Variants in CHRNA5 observed in about 807,000 individuals in gnomAD.
CHRNA5 encodes cholinergic receptor nicotinic alpha 5 subunit.
Under a neutral mutation model 41.2 loss-of-function variants are expected in CHRNA5, and 28 were observed. The observed-to-expected ratio is 0.68, with a 90% CI of 0.50 to 0.93. CHRNA5 has a LOEUF of 0.93. Among genes scored for constraint, CHRNA5 ranks in the 40% least tolerant of loss-of-function variants. The pLI is 0.00. For missense variants in CHRNA5, 481 were observed against 581.9 expected (o/e 0.83, Z 1.78); for synonymous variants, 188 against 205.8 (o/e 0.91, Z 0.74).
At chr15:78,580,482 C>T (rs2052901645) in intron 1 of CHRNA5, among the ~76,000 whole-genome samples, 1 of 93,502 alleles carries the variant, frequency 1.1e-5, no homozygotes, top group East Asian at 4.6e-4. Context: ...TTAAGGAGCT[C>T]AGCATATTCC....
intron 1 of CHRNA5, among the ~76,000 whole-genome samples, chr15:78,573,963 ATTTTTTTT>A (rs979485573): frequency 7.8e-5 from 8 of 102,072 alleles, no homozygotes; most frequent in South Asian, 3.7e-4. Context: ...CGCCTGGCTA[ATTTTTTTT>A]TTTTTTTTTT....
chr15:78,570,491 A>G (rs1162510901), intron 1 of CHRNA5, among the ~76,000 whole-genome samples: 1 of 128,794 alleles, frequency 7.8e-6, no homozygotes, highest in East Asian at 2.5e-4. Flanking sequence ...GCTGGTCTTG[A>G]ACTCCTGGCC....
chr15:78,579,399 G>A (rs555904216), intron 1 of CHRNA5, among the ~76,000 whole-genome samples: 18 of 152,140 alleles, frequency 1.2e-4, no homozygotes, highest in Non-Finnish European at 2.5e-4. Context: ...GATTACAGGC[G>A]TGTGCCACCA....
At chr15:78,574,380 C>CA (rs61655864) in intron 1 of CHRNA5, among the ~76,000 whole-genome samples, 33,380 of 123,044 alleles carry the variant, frequency 0.27, 4,989 homozygotes, top group Middle Eastern at 0.39. Flanking sequence ...AACGCTGTCT[C>CA]AAAAAAAAAA....
At chr15:78,593,291 CACAT>C in exon 6 of CHRNA5, 1 of 1,529,876 alleles carries the variant, frequency 6.5e-7, no homozygotes, top group Non-Finnish European at 8.8e-7. Flanking sequence ...TTAGTTAACA[CACAT>C]ATATCTGATG....
At chr15:78,583,431 C>G (rs1175223880) in intron 2 of CHRNA5, among the ~76,000 whole-genome samples, 1 of 152,158 alleles carries the variant, frequency 6.6e-6, no homozygotes, top group Non-Finnish European at 1.5e-5. Context: ...CAGTGGCTCA[C>G]GCCTGTAATC....
Position 78,588,221 on chromosome 15 carries a change from G to A in CHRNA5, c.304-93G>A, listed in dbSNP as rs1233043270. The stretch of plus-strand genomic sequence containing the variant: ...CTATTGGGGGTAGAGATGATCTCAT[G>A]TCTAAAATTTCTGGTGTGACAAAAA... On this transcript the variant is annotated intron_variant, in intron 3 of 5. Coordinates refer to ENST00000299565, the Ensembl canonical transcript of CHRNA5. This position sits in a 1 kb window ranked among gnomAD's most constrained non-coding sequence, Gnocchi z 4.1. 14 of 616,186 alleles carry A rather than the reference G, an allele frequency of 2.3e-5. No individual in the cohort carries two copies. The highest frequency in any genetic ancestry group is 3.4e-5 in the Non-Finnish European group (12 of 350,684). The allele number at this position is 616,186 out of a possible 1,614,324, so 38.2% of individuals were successfully genotyped here.
At chr15:78,583,000 T>G (rs1419220970) in intron 2 of CHRNA5, among the ~76,000 whole-genome samples, 1 of 152,178 alleles carries the variant, frequency 6.6e-6, no homozygotes, top group African/African-American at 2.4e-5. Context: ...CTTTCCAGAA[T>G]CCATAAGACA....
exon 5 of CHRNA5, chr15:78,590,047 A>C (rs1223380364): frequency 1.9e-6 from 3 of 1,614,026 alleles, no homozygotes; most frequent in African/African-American, 1.3e-5. Flanking sequence ...GGAGAATGGG[A>C]GATTGTGAGT....
chr15:78,594,816 T>A (rs1197748079), exon 6 of CHRNA5: 1 of 152,238 alleles, frequency 6.6e-6, no homozygotes, highest in Non-Finnish European at 1.5e-5. Flanking sequence ...ATTACAATAA[T>A]AGAATCTTAG....
At chr15:78,575,078 T>TC (rs1295972818) in intron 1 of CHRNA5, among the ~76,000 whole-genome samples, 1 of 152,148 alleles carries the variant, frequency 6.6e-6, no homozygotes, top group African/African-American at 2.4e-5. Context: ...GCTTTGCAGT[T>TC]CTGTGTCCTT....
intron 1 of CHRNA5, among the ~76,000 whole-genome samples, chr15:78,574,406 G>T (rs1195027288): frequency 6.7e-6 from 1 of 149,808 alleles, no homozygotes; most frequent in Non-Finnish European, 1.5e-5. Context: ...AAATCCTCAG[G>T]TATCTTTTTG....
intron 5 of CHRNA5, among the ~76,000 whole-genome samples, chr15:78,592,112 A>G (rs1410112620): frequency 6.6e-6 from 1 of 152,126 alleles, no homozygotes; most frequent in Admixed American, 6.6e-5. Flanking sequence ...TCACGAGGTC[A>G]GGAGTTTGAG....
At chr15:78,578,869 G>A (rs922914108) in intron 1 of CHRNA5, among the ~76,000 whole-genome samples, 9 of 152,140 alleles carry the variant, frequency 5.9e-5, no homozygotes, top group African/African-American at 1.4e-4. Context: ...TAAAAGTCAT[G>A]CTTGAATTTT....
At chr15:78,573,253 G>A (rs972838843) in intron 1 of CHRNA5, among the ~76,000 whole-genome samples, 4 of 152,216 alleles carry the variant, frequency 2.6e-5, no homozygotes, top group African/African-American at 7.2e-5. Context: ...AGCCCAAAAT[G>A]TCCGTAGTGC....
exon 2 of CHRNA5, chr15:78,580,931 T>G (rs778220199): frequency 2.2e-5 from 36 of 1,613,910 alleles, no homozygotes; most frequent in Admixed American, 3.3e-5. Context: ...AAAATAAAAT[T>G]TGGACTTGCA....
Position 78,588,729 on chromosome 15 carries a change from G to A in CHRNA5, c.413+306G>A, listed in dbSNP as rs779717692. Among the ~76,000 whole-genome samples the A allele has an allele frequency of 7.2e-5, 11 of 152,174 alleles. No homozygotes were observed. The highest frequency in any genetic ancestry group is 1.0e-4 in the Non-Finnish European group (7 of 67,980). On this transcript the variant is annotated intron_variant, in intron 4 of 5. Transcript: ENST00000299565. The surrounding 1 kb of genome is among the most constrained non-coding windows in gnomAD (Gnocchi z 4.1). ...ATTTGGCAGACTTCTAGATTTTTTT[G>A]TATGTTTTTTACGTCGTTGAGGTCA...
chr15:78,591,566 A>G (rs1458724457), intron 5 of CHRNA5, among the ~76,000 whole-genome samples: 2 of 152,174 alleles, frequency 1.3e-5, no homozygotes, highest in Non-Finnish European at 2.9e-5. Context: ...TAAATGGAAA[A>G]TTTCCATCAG....
exon 6 of CHRNA5, chr15:78,594,792 CCTT>C (rs2141315456): frequency 1.3e-5 from 2 of 152,300 alleles, no homozygotes; most frequent in African/African-American, 4.8e-5. Flanking sequence ...AGTTTTCTCT[CCTT>C]CATTCTAACA....
Sources: gnomAD v4.1 joint callset for allele counts (sites outside exome capture counted in the v4.1 genomes callset) on GRCh38, gnomAD v4.1.1 for gene constraint, Gnocchi (gnomAD v3.1) non-coding constraint, MANE v1.5 for transcripts, NCBI Gene and HGNC (gene_info 2026-07-23, HGNC 2026-07-21) for gene names.